Variants in PLCG2 observed in about 807,000 individuals in gnomAD.
The protein encoded by PLCG2 is phospholipase C gamma 2, also known as 1-phosphatidylinositol 4,5-bisphosphate phosphodiesterase gamma-2.
PLCG2 carries 69 observed loss-of-function variants against 175.6 expected under a neutral mutation model. That is an observed-to-expected ratio of 0.39 (90% CI 0.32 to 0.48). PLCG2 has a LOEUF of 0.48. Among genes scored for constraint, PLCG2 ranks in the 20% least tolerant of loss-of-function variants. The pLI is 0.91. For synonymous variants in PLCG2, 827 were observed against 624.0 expected (o/e 1.33, Z -4.85); for missense variants, 1,798 against 1,650.9 (o/e 1.09, Z -1.54).
intron 19 of PLCG2, among the ~76,000 whole-genome samples, chr16:81,918,007 G>T (rs1248170452): frequency 6.6e-6 from 1 of 152,210 alleles, no homozygotes; most frequent in African/African-American, 2.4e-5. Flanking sequence ...ACAGGTGTGA[G>T]CCACCACGCC....
chr16:81,852,692 C>G lies in PLCG2; in HGVS notation c.194-1752C>G, dbSNP rs1011319674. Among the ~76,000 whole-genome samples the G allele has an allele frequency of 3.9e-5, 6 of 152,090 alleles. No homozygotes were observed. The East Asian group carries it at 1.2e-3, about 29-fold the overall frequency. ...ATCTATTGCTATACAACAAACTATC[C>G]CAGTGTTTAGTGGCTTAAGACAACA... On this transcript the variant is annotated intron_variant, in intron 2 of 32. Coordinates refer to ENST00000564138, the MANE Select transcript of PLCG2 (RefSeq NM_002661.5).
At chr16:81,928,717 G>C in intron 24 of PLCG2, 93 bp downstream of exon 24, 1 of 845,992 alleles carries the variant, frequency 1.2e-6, no homozygotes, top group Non-Finnish European at 2.1e-6. Context: ...GGCTGACACA[G>C]GGTCCTGTCT....
chr16:81,801,969 TCA>T (rs1200815807), intron 2 of PLCG2, among the ~76,000 whole-genome samples: 6 of 151,304 alleles, frequency 4.0e-5, no homozygotes, highest in African/African-American at 1.5e-4. Context: ...GCATCAGCCA[TCA>T]CACCTGGCCA....
At chr16:81,954,967 G>C (rs8063063) in intron 31 of PLCG2, among the ~76,000 whole-genome samples, 1,870 of 152,274 alleles carry the variant, frequency 0.012, 38 homozygotes, top group African/African-American at 0.043. Flanking sequence ...CAGTGTAAAA[G>C]TGTTCCTATT....
rs575222168 is a variant in PLCG2, at chr16:81,853,027, C to T, written c.194-1417C>T. On this transcript the variant is annotated intron_variant, in intron 2 of 32. Transcript: ENST00000564138. Reference sequence around the variant, plus strand: ...AGAGCACAAAATGGAAGGTACCAGGCCTTCTTAAGTATTAGGCCCCAGGCT... The same window carrying T: ...AGAGCACAAAATGGAAGGTACCAGGTCTTCTTAAGTATTAGGCCCCAGGCT... 2.6e-3 allele frequency among the ~76,000 whole-genome samples: 400 copies of T among 152,254 alleles called. 5 individuals carry two copies. Among genetic ancestry groups the T allele is most frequent in the Non-Finnish European group, 4.2e-3 (286 of 68,008 alleles).
At chr16:81,798,342 C>G (rs908641767) in intron 2 of PLCG2, 1 of 152,214 alleles carries the variant, frequency 6.6e-6, no homozygotes, top group African/African-American at 2.4e-5. Flanking sequence ...AGACATAGCT[C>G]GCATGTGTAG....
At chr16:81,797,611 G>C (rs910082069) in intron 2 of PLCG2, among the ~76,000 whole-genome samples, 2 of 152,184 alleles carry the variant, frequency 1.3e-5, no homozygotes, top group African/African-American at 2.4e-5. Context: ...CAGATACCTG[G>C]TTAACAGATG....
intron 2 of PLCG2, among the ~76,000 whole-genome samples, chr16:81,807,940 G>A (rs868359924): frequency 3.9e-5 from 6 of 152,296 alleles, no homozygotes; most frequent in Admixed American, 1.3e-4. Context: ...GTGCAAAACC[G>A]TTAATGAGCA....
At chr16:81,806,625 G>A (rs189427453) in intron 2 of PLCG2, among the ~76,000 whole-genome samples, 12 of 152,124 alleles carry the variant, frequency 7.9e-5, no homozygotes, top group East Asian at 7.7e-4. Flanking sequence ...CATGTGATTC[G>A]TGTCTTGTAA....
chr16:81,765,241 AG>A (rs1910122660), intron 2 of PLCG2, among the ~76,000 whole-genome samples: 1 of 152,258 alleles, frequency 6.6e-6, no homozygotes, highest in Non-Finnish European at 1.5e-5. Context: ...GGATGGGGAG[AG>A]GCATCTGCAA....
rs557511272 is a variant in PLCG2 at position 81,959,056 on chromosome 16, T to G, written c.*1058T>G. On this transcript the variant is annotated 3_prime_UTR_variant, in exon 33 of 33. Transcript: ENST00000564138. ...GCCAGGGCTTTACACCTCTGCATCTTAAGTTGTTAATACATACCAATAATG... is the reference window on the plus strand; with the variant it reads ...GCCAGGGCTTTACACCTCTGCATCTGAAGTTGTTAATACATACCAATAATG... 4.9e-5 allele frequency: 11 copies of G among 223,146 alleles called. No individual in the cohort carries two copies. In the South Asian group the frequency reaches 2.0e-3, roughly 41 times the overall value. 13.8% of individuals were successfully genotyped at this position (223,146 alleles called of 1,614,324 possible). A position where few individuals can be genotyped will look rare whatever the true frequency, so the allele number is the denominator to read the frequency against.
intron 30 of PLCG2, among the ~76,000 whole-genome samples, chr16:81,944,040 G>A (rs1307571325): frequency 6.6e-6 from 1 of 152,168 alleles, no homozygotes; most frequent in Non-Finnish European, 1.5e-5. Context: ...TCAGTAAGAT[G>A]ATGAGCATCC....
upstream of PLCG2, among the ~76,000 whole-genome samples, chr16:81,777,716 T>G (rs1910459085): frequency 6.6e-6 from 1 of 151,968 alleles, no homozygotes; most frequent in Non-Finnish European, 1.5e-5. Context: ...TATTCCTCAA[T>G]TAAAAAACGC....
chr16:81,795,247 G>C (rs1422597881), intron 2 of PLCG2, among the ~76,000 whole-genome samples: 2 of 152,138 alleles, frequency 1.3e-5, no homozygotes, highest in East Asian at 3.9e-4. Context: ...AAAGGAACAG[G>C]GTACTGTAAT....
intron 18 of PLCG2, among the ~76,000 whole-genome samples, chr16:81,911,500 C>T (rs751067575): frequency 3.4e-4 from 51 of 152,090 alleles, no homozygotes; most frequent in Non-Finnish European, 5.7e-4. Flanking sequence ...TGCAGTGGAA[C>T]AATCACGTCT....
At chr16:81,762,289 C>A (rs751821467) in intron 2 of PLCG2, among the ~76,000 whole-genome samples, 9 of 152,114 alleles carry the variant, frequency 5.9e-5, no homozygotes, top group Non-Finnish European at 1.0e-4. Flanking sequence ...TTAAAATGGT[C>A]TGGGCATGGT....
At chr16:81,825,298 T>TGTTTTG (rs1244027977) in intron 2 of PLCG2, among the ~76,000 whole-genome samples, 5 of 145,318 alleles carry the variant, frequency 3.4e-5, no homozygotes, top group Admixed American at 1.4e-4. Context: ...TTTTTTTTTT[T>TGTTTTG]TTTTTTTTGA....
chr16:81,922,151 A>C (rs1031956775), intron 21 of PLCG2, among the ~76,000 whole-genome samples: 1 of 152,154 alleles, frequency 6.6e-6, no homozygotes, highest in Non-Finnish European at 1.5e-5. Flanking sequence ...GGGGAGAGAA[A>C]GGCAAGGGTA....
At chr16:81,781,452 C>T (rs1443229702) in intron 1 of PLCG2, among the ~76,000 whole-genome samples, 2 of 151,628 alleles carry the variant, frequency 1.3e-5, no homozygotes, top group Non-Finnish European at 2.9e-5. Context: ...GCAACTATTG[C>T]TTCCGTGATT....
Sources: allele counts gnomAD v4.1 joint callset (sites outside exome capture counted in the v4.1 genomes callset), GRCh38; gene constraint gnomAD v4.1.1; transcripts MANE v1.5; gene names NCBI Gene and HGNC (gene_info 2026-07-23, HGNC 2026-07-21).